Variants in DGKB observed in about 807,000 individuals in gnomAD.
DGKB encodes diacylglycerol kinase beta.
DGKB carries 67 observed loss-of-function variants against 114.3 expected under a neutral mutation model. The ratio of observed to expected loss-of-function variants is 0.59; its 90% CI spans 0.48 to 0.72. The LOEUF is 0.72. Ranked by LOEUF, DGKB falls within the 30% of genes least tolerant of loss-of-function variation. The pLI, the probability that DGKB is intolerant of heterozygous loss-of-function variation, is 0.00. For missense variants in DGKB, 907 were observed against 975.2 expected (o/e 0.93, Z 0.93); for synonymous variants, 398 against 323.1 (o/e 1.23, Z -2.49).
intron 9 of DGKB, among the ~76,000 whole-genome samples, chr7:14,690,029 T>G (rs900914465): frequency 6.6e-6 from 1 of 152,166 alleles, no homozygotes; most frequent in African/African-American, 2.4e-5. Flanking sequence ...AGGCTAGATG[T>G]GGGTACAACA....
intron 20 of DGKB, among the ~76,000 whole-genome samples, chr7:14,529,375 G>C (rs1052655722): frequency 1.3e-5 from 2 of 151,810 alleles, no homozygotes; most frequent in African/African-American, 4.8e-5. Flanking sequence ...TGCTAAAAAT[G>C]AGTAACCTTT....
At chr7:14,815,547 C>T (rs2128090399) in intron 2 of DGKB, among the ~76,000 whole-genome samples, 1 of 152,272 alleles carries the variant, frequency 6.6e-6, no homozygotes, top group South Asian at 2.1e-4. Flanking sequence ...TTTTCTCTTG[C>T]TTACATAGGT....
chr7:14,451,545 G>GTCTCTCTCTC (rs34641587), intron 21 of DGKB, among the ~76,000 whole-genome samples: 1,822 of 141,132 alleles, frequency 0.013, 28 homozygotes, highest in East Asian at 0.064. Context: ...CTCTCTATCT[G>GTCTCTCTCTC]TCTCTCTCTC....
chr7:14,415,011 A>G (rs1825482126), intron 21 of DGKB, among the ~76,000 whole-genome samples: 1 of 133,136 alleles, frequency 7.5e-6, no homozygotes, highest in Admixed American at 7.9e-5. Context: ...AAAATAAAAA[A>G]AAACCCTCCT....
chr7:14,864,631 C>T (rs975868255), intron 1 of DGKB, among the ~76,000 whole-genome samples: 4 of 151,970 alleles, frequency 2.6e-5, no homozygotes, highest in African/African-American at 4.8e-5. Flanking sequence ...AGAGGTTTTG[C>T]AGAAAATAGG....
At chr7:14,713,486 G>A (rs966043195) in intron 6 of DGKB, among the ~76,000 whole-genome samples, 8 of 151,880 alleles carry the variant, frequency 5.3e-5, no homozygotes, top group African/African-American at 1.4e-4. Flanking sequence ...AGAGATTTTC[G>A]CCTTTTATTC....
chr7:14,194,423 G>T (rs954613600), intron 23 of DGKB, among the ~76,000 whole-genome samples: 3 of 152,100 alleles, frequency 2.0e-5, no homozygotes, highest in Non-Finnish European at 4.4e-5. Context: ...AGGACACCGT[G>T]TTAACCGAAA....
At chr7:14,803,772 G>A (rs1423847238) in intron 2 of DGKB, among the ~76,000 whole-genome samples, 1 of 152,026 alleles carries the variant, frequency 6.6e-6, no homozygotes, top group Non-Finnish European at 1.5e-5. Flanking sequence ...TATTTACTAT[G>A]GGCTTTGAAA....
At position 14,759,985 on chromosome 7, in the gene DGKB, T is replaced by C. The variant is rs1274493564; in HGVS notation, c.71-2254A>G. Among the ~76,000 whole-genome samples, 5 of 152,226 alleles carry C rather than the reference T, an allele frequency of 3.3e-5. No homozygotes were observed. The East Asian group carries it at 9.6e-4, about 29-fold the overall frequency. On this transcript the variant is annotated intron_variant, in intron 2 of 25. Coordinates refer to ENST00000402815, the MANE Select transcript of DGKB (RefSeq NM_001350709.2). The stretch of plus-strand genomic sequence containing the variant: ...GATGTGAAATGATTCGACTCACATC[T>C]GATTAGTCATTCGCTAATGACTAAT...
At chr7:14,549,849 G>A (rs973916014) in intron 20 of DGKB, among the ~76,000 whole-genome samples, 16 of 152,014 alleles carry the variant, frequency 1.1e-4, no homozygotes, top group Admixed American at 9.2e-4. Flanking sequence ...TTAGCTGGGC[G>A]TGGTGGCGTG....
intron 1 of DGKB, among the ~76,000 whole-genome samples, chr7:14,968,450 G>C (rs1787289086): frequency 6.6e-6 from 1 of 152,074 alleles, no homozygotes; most frequent in South Asian, 2.1e-4. Flanking sequence ...ATTTCAAGAG[G>C]GCTCTTTGTG....
At position 14,718,630 on chromosome 7, in the gene DGKB, A is replaced by G. The variant is rs764522255; in HGVS notation, c.378T>C (p.Asn126=). The stretch of plus-strand genomic sequence containing the variant: ...GATGGATTACTTCTGGGGAACACGT[A>G]TTTGCAGGAGAAGTAGTCCGGGGAG... The part of the protein sequence containing the change: ...ITPPRTTSPA[N]TCSPEVIHLK... Residue 126 remains asparagine (N), a synonymous_variant, in exon 6 of 26, where the codon AAT becomes AAC. Coordinates refer to ENST00000402815, the MANE Select transcript of DGKB (RefSeq NM_001350709.2). The G allele has an allele frequency of 6.2e-7, 1 of 1,612,476 alleles. No homozygotes were observed.
intron 21 of DGKB, among the ~76,000 whole-genome samples, chr7:14,362,947 C>T (rs1362387817): frequency 6.6e-6 from 1 of 151,998 alleles, no homozygotes; most frequent in East Asian, 1.9e-4. Flanking sequence ...CTTATTTTGA[C>T]TCATGGAACA....
intron 2 of DGKB, among the ~76,000 whole-genome samples, chr7:14,840,359 C>T (rs1250407984): frequency 6.6e-6 from 1 of 151,914 alleles, no homozygotes; most frequent in Non-Finnish European, 1.5e-5. Context: ...CTTTTGGTGC[C>T]TGCTATTAAT....
intron 13 of DGKB, among the ~76,000 whole-genome samples, chr7:14,666,133 A>T (rs1817975952): frequency 6.6e-6 from 1 of 152,074 alleles, no homozygotes; most frequent in Non-Finnish European, 1.5e-5. Context: ...AAATAAAAGC[A>T]TGATGGCAAC....
chr7:14,500,255 A>C (rs1218558373), intron 20 of DGKB, among the ~76,000 whole-genome samples: 8 of 151,880 alleles, frequency 5.3e-5, no homozygotes, highest in African/African-American at 1.9e-4. Flanking sequence ...GATCCAGACT[A>C]TAAGTTTTCT....
chr7:14,596,816 T>C (rs10269901), intron 17 of DGKB, among the ~76,000 whole-genome samples: 8,057 of 152,270 alleles, frequency 0.053, 734 homozygotes, highest in African/African-American at 0.18. Flanking sequence ...CTTCCATTGA[T>C]ATATTTGCCT....
At chr7:14,453,228 A>G (rs573107232) in intron 21 of DGKB, among the ~76,000 whole-genome samples, 1 of 152,242 alleles carries the variant, frequency 6.6e-6, no homozygotes, top group African/African-American at 2.4e-5. Flanking sequence ...CCAGTTACTA[A>G]GTGGAGGAGC....
At chr7:14,506,685 G>A (rs989742850) in intron 20 of DGKB, among the ~76,000 whole-genome samples, 1 of 152,170 alleles carries the variant, frequency 6.6e-6, no homozygotes, top group African/African-American at 2.4e-5. Flanking sequence ...GGAATCCCTA[G>A]AGTCCCTGCC....
Sources: gnomAD v4.1 joint callset for allele counts (sites outside exome capture counted in the v4.1 genomes callset) on GRCh38, gnomAD v4.1.1 for gene constraint, MANE v1.5 for transcripts, NCBI Gene and HGNC (gene_info 2026-07-23, HGNC 2026-07-21) for gene names.